The following DRC8 variants were observed in gnomAD, a reference collection of about 807,000 sequenced individuals.
The protein encoded by DRC8 is dynein regulatory complex subunit 8.
the DRC8 span, among the ~76,000 whole-genome samples, chr1:245,120,907 A>G: frequency 6.6e-6 from 1 of 152,274 alleles, no homozygotes; most frequent in African/African-American, 2.4e-5. Context: ...GCCTCAAACA[A>G]TATGACACCT....
At chr1:245,083,695 G>A in the DRC8 span, 1 of 1,605,064 alleles carries the variant, frequency 6.2e-7, no homozygotes, top group South Asian at 1.1e-5. Flanking sequence ...GAAGGTAAGT[G>A]TGATTTATTA....
At chr1:245,083,545 A>C in the DRC8 span, 2 of 1,580,456 alleles carry the variant, frequency 1.3e-6, no homozygotes, top group Non-Finnish European at 1.7e-6. Flanking sequence ...TTACATACAC[A>C]CATATATGAA....
chr1:245,102,931 G>A, the DRC8 span, among the ~76,000 whole-genome samples: 1,083 of 130,518 alleles, frequency 8.3e-3, 10 homozygotes, highest in African/African-American at 0.035. Flanking sequence ...TCAGGAGGGG[G>A]GACCAGAGAG....
chr1:245,102,374 G>A, the DRC8 span, among the ~76,000 whole-genome samples: 1 of 147,080 alleles, frequency 6.8e-6, no homozygotes, highest in East Asian at 2.0e-4. Context: ...TTTTGAGATG[G>A]AGTCTCATTC....
chr1:245,050,220 G>A, the DRC8 span, among the ~76,000 whole-genome samples: 1 of 152,058 alleles, frequency 6.6e-6, no homozygotes, highest in African/African-American at 2.4e-5. Context: ...TCTTATCCCC[G>A]TTGTCTTTTT....
chr1:245,016,040 G>A, the DRC8 span, among the ~76,000 whole-genome samples: 1 of 133,742 alleles, frequency 7.5e-6, no homozygotes, highest in African/African-American at 2.9e-5. Flanking sequence ...ATGGTGCAAT[G>A]GCGCAATCTC....
At chr1:245,076,963 G>A in the DRC8 span, among the ~76,000 whole-genome samples, 1 of 152,080 alleles carries the variant, frequency 6.6e-6, no homozygotes, top group African/African-American at 2.4e-5. Flanking sequence ...CTGACCTCGT[G>A]ATCCGCCCAC....
At chr1:245,119,717 A>G in the DRC8 span, among the ~76,000 whole-genome samples, 1 of 152,060 alleles carries the variant, frequency 6.6e-6, no homozygotes, top group Admixed American at 6.6e-5. Flanking sequence ...GCGGATCACA[A>G]GGTCAGGAGA....
chr1:245,059,039 C>T, the DRC8 span, among the ~76,000 whole-genome samples: 6 of 152,324 alleles, frequency 3.9e-5, no homozygotes, highest in East Asian at 3.9e-4. Flanking sequence ...CAAAACTCTG[C>T]GGTAGACATT....
At chr1:245,022,205 G>A in the DRC8 span, among the ~76,000 whole-genome samples, 1 of 151,240 alleles carries the variant, frequency 6.6e-6, no homozygotes, top group African/African-American at 2.4e-5. Flanking sequence ...GAGCGCAGTG[G>A]AGTGATCTCG....
the DRC8 span, among the ~76,000 whole-genome samples, chr1:245,089,701 C>T: frequency 6.6e-6 from 1 of 152,036 alleles, no homozygotes; most frequent in Non-Finnish European, 1.5e-5. This position sits in a 1 kb window ranked among gnomAD's most constrained non-coding sequence, Gnocchi z 4.8. Flanking sequence ...AAGGTTGCAG[C>T]CTGGAGGACA....
chr1:245,072,342 C>T, the DRC8 span, among the ~76,000 whole-genome samples: 1 of 152,068 alleles, frequency 6.6e-6, no homozygotes, highest in African/African-American at 2.4e-5. Flanking sequence ...GCTGGAGTGC[C>T]AGTTCTCCCA....
At chr1:245,022,062 C>T in the DRC8 span, among the ~76,000 whole-genome samples, 1 of 152,058 alleles carries the variant, frequency 6.6e-6, no homozygotes, top group South Asian at 2.1e-4. Context: ...AAATAGTTTT[C>T]GAAAGCTAGC....
the DRC8 span, among the ~76,000 whole-genome samples, chr1:244,975,542 A>G: frequency 1.6e-3 from 248 of 152,304 alleles, 1 homozygote; most frequent in African/African-American, 5.4e-3. Context: ...TCATTTTTAC[A>G]TCCCCAGCAC....
the DRC8 span, among the ~76,000 whole-genome samples, chr1:245,019,951 T>C: frequency 6.6e-6 from 1 of 152,044 alleles, no homozygotes; most frequent in Admixed American, 6.5e-5. Context: ...GGCGACTAAG[T>C]GAGGCTTTGT....
At chr1:245,031,179 T>C in the DRC8 span, among the ~76,000 whole-genome samples, 1 of 152,090 alleles carries the variant, frequency 6.6e-6, no homozygotes, top group African/African-American at 2.4e-5. Flanking sequence ...TGTGGTAAAC[T>C]CACCGGTTTA....
At chr1:245,010,354 C>G in the DRC8 span, among the ~76,000 whole-genome samples, 1 of 152,224 alleles carries the variant, frequency 6.6e-6, no homozygotes, top group African/African-American at 2.4e-5. Flanking sequence ...GCACCTGGAA[C>G]AGAAACTTCT....
At chr1:244,984,866 C>T in the DRC8 span, among the ~76,000 whole-genome samples, 1 of 114,286 alleles carries the variant, frequency 8.7e-6, no homozygotes, top group East Asian at 3.2e-4. Context: ...AAAAAAAAAA[C>T]TCCCTCAATT....
At chr1:245,083,618 C>G in the DRC8 span, 2 of 1,606,218 alleles carry the variant, frequency 1.2e-6, no homozygotes, top group East Asian at 4.5e-5. Context: ...TTCTTTTCCC[C>G]TAGGTTTTAG....
Sources: allele counts gnomAD v4.1 joint callset (sites outside exome capture counted in the v4.1 genomes callset), GRCh38; gene constraint gnomAD v4.1.1; non-coding constraint Gnocchi (gnomAD v3.1); transcripts MANE v1.5; gene names NCBI Gene and HGNC (gene_info 2026-07-23, HGNC 2026-07-21).